Variants in STXBP5 observed in about 807,000 individuals in gnomAD.
STXBP5 encodes the protein syntaxin-binding protein 5.
A neutral mutation model predicts 152.4 loss-of-function variants in STXBP5; 50 were observed. The observed-to-expected ratio is 0.33, with a 90% CI of 0.26 to 0.42. The LOEUF (loss-of-function observed/expected upper bound fraction) is 0.42. Among genes scored for constraint, STXBP5 ranks in the 10% least tolerant of loss-of-function variants. The pLI is 1.00. For missense variants in STXBP5, 1,167 were observed against 1,388.6 expected (o/e 0.84, Z 2.54); for synonymous variants, 492 against 494.7 (o/e 0.99, Z 0.07).
chr6:147,314,569 T>C (rs776494092), intron 13 of STXBP5, 27 bp from the exon 14 acceptor site: 1 of 1,603,514 alleles, frequency 6.2e-7, no homozygotes, highest in Non-Finnish European at 8.5e-7. Context: ...ATTTTATTCA[T>C]CACATTCTTA....
intron 9 of STXBP5, among the ~76,000 whole-genome samples, chr6:147,305,744 C>T (rs1196795436): frequency 6.6e-6 from 1 of 152,096 alleles, no homozygotes; most frequent in Non-Finnish European, 1.5e-5. Flanking sequence ...TCAGTAAATA[C>T]ATATGTCTCT....
intron 2 of STXBP5, among the ~76,000 whole-genome samples, chr6:147,221,481 G>C (rs1044681507): frequency 6.6e-5 from 10 of 150,748 alleles, no homozygotes; most frequent in Non-Finnish European, 1.5e-4. Flanking sequence ...GTTTTTGTTT[G>C]AGCAAGTTTT....
At chr6:147,359,691 A>G in intron 23 of STXBP5, among the ~76,000 whole-genome samples, 1 of 143,128 alleles carries the variant, frequency 7.0e-6, no homozygotes, top group Non-Finnish European at 1.5e-5. Flanking sequence ...GTTCCCACCT[A>G]TGAGTGAGAA....
intron 9 of STXBP5, among the ~76,000 whole-genome samples, chr6:147,303,735 AT>A (rs1353559082): frequency 6.6e-6 from 1 of 152,184 alleles, no homozygotes; most frequent in African/African-American, 2.4e-5. Context: ...GACTTGTTGA[AT>A]GGGTTTGACC....
At chr6:147,362,107 C>T (rs1785091722) in intron 23 of STXBP5, among the ~76,000 whole-genome samples, 2 of 151,956 alleles carry the variant, frequency 1.3e-5, no homozygotes, top group African/African-American at 2.4e-5. Flanking sequence ...CATACTTATA[C>T]TAAAAAGTAT....
intron 27 of STXBP5, among the ~76,000 whole-genome samples, chr6:147,383,478 A>G (rs1232180730): frequency 2.0e-5 from 3 of 152,118 alleles, no homozygotes; most frequent in Non-Finnish European, 2.9e-5. Flanking sequence ...GCATTTTGCA[A>G]TGGTGGACCT....
chr6:147,276,324 T>A (rs1272691842), intron 7 of STXBP5, among the ~76,000 whole-genome samples: 1 of 152,062 alleles, frequency 6.6e-6, no homozygotes, highest in Non-Finnish European at 1.5e-5. Context: ...TTTTGTGGGG[T>A]GTTTTCTGTT....
Position 147,373,464 on chromosome 6 carries a change from A to G in STXBP5, c.3082-267A>G, listed in dbSNP as rs561711704. On this transcript the variant is annotated intron_variant, in intron 25 of 27. Transcript: ENST00000321680. ...TGAAAATTTTGTCTGAAAGATTAGA[A>G]TCTCCTGACACTCTTAAGCAAAAAT... Among the ~76,000 whole-genome samples, 5 of 152,178 alleles carry G rather than the reference A, an allele frequency of 3.3e-5. No homozygotes were observed. In the South Asian group the frequency reaches 1.0e-3, roughly 32 times the overall value.
At chr6:147,327,601 C>T (rs1783332667) in intron 18 of STXBP5, among the ~76,000 whole-genome samples, 1 of 152,054 alleles carries the variant, frequency 6.6e-6, no homozygotes, top group South Asian at 2.1e-4. Context: ...GCCACCATAC[C>T]CAGCTGGTTT....
chr6:147,227,648 C>T (rs866049181), intron 2 of STXBP5, among the ~76,000 whole-genome samples: 13 of 152,204 alleles, frequency 8.5e-5, no homozygotes, highest in Middle Eastern at 3.4e-3. Context: ...GCTCTTGGCT[C>T]CCCACTTTGT....
chr6:147,301,323 A>G (rs1038155350), intron 9 of STXBP5, among the ~76,000 whole-genome samples: 1 of 152,146 alleles, frequency 6.6e-6, no homozygotes, highest in Admixed American at 6.5e-5. Context: ...TGAAATCAGT[A>G]TGTTGAAGCA....
At chr6:147,258,912 T>C (rs1186762609) in intron 4 of STXBP5, among the ~76,000 whole-genome samples, 1 of 152,114 alleles carries the variant, frequency 6.6e-6, no homozygotes, top group Non-Finnish European at 1.5e-5. Flanking sequence ...AACTGGAAGT[T>C]TAGTTTTTTC....
Position 147,389,596 on chromosome 6 carries a change from C to G in STXBP5, c.*4841C>G, listed in dbSNP as rs988306974. The G allele has an allele frequency of 2.6e-5, 4 of 151,632 alleles. No individual in the cohort carries two copies. The highest frequency in any genetic ancestry group is 9.7e-5 in the African/African-American group (4 of 41,354). The allele number at this position is 151,632 out of a possible 1,614,324, so 9.4% of individuals were successfully genotyped here. ...TATAGTGTATGACATGTAAATAAAC[C>G]AGTATTTATTGTAGGTTGTTTGATT... On this transcript the variant is annotated 3_prime_UTR_variant, in exon 28 of 28. Transcript: ENST00000321680.
At chr6:147,284,649 A>G (rs1283034837) in intron 8 of STXBP5, among the ~76,000 whole-genome samples, 2 of 152,216 alleles carry the variant, frequency 1.3e-5, no homozygotes. Flanking sequence ...ATAAGGTAGC[A>G]AAGAGCAGGG....
intron 21 of STXBP5, chr6:147,351,883 A>G (rs1006923748): frequency 7.1e-6 from 7 of 985,298 alleles, no homozygotes; most frequent in Non-Finnish European, 8.4e-6. Flanking sequence ...TGGCGCCCTT[A>G]TGGACTAGCA....
rs150910614 is a variant in STXBP5 at position 147,325,083 on chromosome 6, C to T, written c.1927C>T (p.Leu643=). Reference sequence around the variant, plus strand: ...CCTGGCAGTCAATTCTTCCTATGGACTGTAAGTATAAGTTACGTTTTTTTC... The same window carrying T: ...CCTGGCAGTCAATTCTTCCTATGGATTGTAAGTATAAGTTACGTTTTTTTC... ...TSLAVNSSYG[L]VVFGNCNGIA... Residue 643 remains leucine (L), a splice_region_variant and synonymous_variant, in exon 17 of 28, where the codon CTG becomes TTG. Transcript: ENST00000321680. The T allele has an allele frequency of 3.3e-5, 51 of 1,524,194 alleles. No homozygotes were observed. The highest frequency in any genetic ancestry group is 4.3e-5 in the Non-Finnish European group (49 of 1,131,674). The allele number at this position is 1,524,194 out of a possible 1,614,324, so 94.4% of individuals were successfully genotyped here. A position where few individuals can be genotyped will look rare whatever the true frequency, so the allele number is the denominator to read the frequency against.
Position 147,325,088 on chromosome 6 carries a change from A to C in STXBP5, c.1928+4A>C. On this transcript the variant is annotated splice_donor_region_variant and intron_variant, in intron 17 of 27. Coordinates refer to ENST00000321680, the MANE Select transcript of STXBP5 (RefSeq NM_001127715.4). ...CAGTCAATTCTTCCTATGGACTGTAAGTATAAGTTACGTTTTTTTCTAAGT... is the reference window on the plus strand; with the variant it reads ...CAGTCAATTCTTCCTATGGACTGTACGTATAAGTTACGTTTTTTTCTAAGT... The C allele has an allele frequency of 6.7e-7, 1 of 1,500,646 alleles. No individual in the cohort carries two copies. Among genetic ancestry groups the C allele is most frequent in the Non-Finnish European group, 8.9e-7 (1 of 1,119,408 alleles). 93.0% of individuals were successfully genotyped at this position (1,500,646 alleles called of 1,614,324 possible).
intron 21 of STXBP5, among the ~76,000 whole-genome samples, chr6:147,345,266 C>T (rs779387209): frequency 2.0e-4 from 30 of 151,976 alleles, no homozygotes; most frequent in Non-Finnish European, 3.8e-4. Context: ...ATATATAGAG[C>T]GTTTACAAGA....
chr6:147,322,896 C>G (rs1047651522), intron 16 of STXBP5, among the ~76,000 whole-genome samples: 3 of 152,122 alleles, frequency 2.0e-5, no homozygotes, highest in African/African-American at 7.2e-5. Context: ...TTATCTCTTC[C>G]TTTCTAAAAT....
Sources: gnomAD v4.1 joint callset for allele counts (sites outside exome capture counted in the v4.1 genomes callset) on GRCh38, gnomAD v4.1.1 for gene constraint, MANE v1.5 for transcripts, NCBI Gene and HGNC (gene_info 2026-07-23, HGNC 2026-07-21) for gene names.